Variants in HAUS7 observed in about 807,000 individuals in gnomAD.
HAUS7 encodes the protein HAUS augmin-like complex subunit 7.
HAUS7 carries 3 observed loss-of-function variants against 28.4 expected under a neutral mutation model. The observed-to-expected ratio is 0.11, with a 90% CI of 0.05 to 0.27. The LOEUF is 0.27. Among genes scored for constraint, HAUS7 ranks in the 10% least tolerant of loss-of-function variants. The pLI is 1.00. For synonymous variants in HAUS7, 165 were observed against 132.1 expected, an observed-to-expected ratio of 1.25 and a Z score of -1.71; for missense variants, 284 against 297.3, an observed-to-expected ratio of 0.96 and a Z score of 0.33.
Position 153,447,905 on chromosome X carries a change from G to A in HAUS7, c.1050C>T (p.Thr350=), listed in dbSNP as rs1316036920. 5.4e-5 allele frequency: 65 copies of A among 1,196,977 alleles called. No individual in the cohort carries two copies. In the Admixed American group the frequency reaches 1.4e-3, roughly 25 times the overall value. ...GGSSSVMSLA[T]KMNELMEK ...ATTTCTCCATTAGTTCATTCATCTT[G>A]GTAGCTGCAGAGGAAAGAAAAGAAA... The change falls in exon 10 of 10, where the codon ACC becomes ACT. Residue 350 remains threonine (T), a synonymous_variant. Coordinates refer to ENST00000370211, the MANE Select transcript of HAUS7 (RefSeq NM_001385482.1).
chrX:153,489,335 G>T (rs2089657919), intron 1 of HAUS7, among the ~76,000 whole-genome samples: 1 of 112,247 alleles, frequency 8.9e-6, no homozygotes, highest in South Asian at 3.7e-4. Context: ...CCCTCCTTCA[G>T]CACGGGCCAC....
At chrX:153,450,273 G>C (rs1423137189) in intron 9 of HAUS7, among the ~76,000 whole-genome samples, 1 of 112,800 alleles carries the variant, frequency 8.9e-6, no homozygotes, top group Non-Finnish European at 1.9e-5. Flanking sequence ...GACGAGCTGG[G>C]AGCCGCTCAG....
intron 1 of HAUS7, chrX:153,487,205 G>T (rs1050342655): frequency 1.1e-5 from 2 of 189,915 alleles, no homozygotes; most frequent in Non-Finnish European, 1.9e-5. Flanking sequence ...GCCTCACCAG[G>T]GTCCTGAAGT....
At chrX:153,493,123 A>G (rs782077156) in intron 1 of HAUS7, among the ~76,000 whole-genome samples, 69 of 112,424 alleles carry the variant, frequency 6.1e-4, no homozygotes, top group Admixed American at 2.3e-3. Flanking sequence ...ACCATCACTC[A>G]GTCGATTGTA....
At chrX:153,483,940 G>A (rs1368420232) in intron 1 of HAUS7, among the ~76,000 whole-genome samples, 1 of 112,263 alleles carries the variant, frequency 8.9e-6, no homozygotes, top group Admixed American at 9.3e-5. Context: ...GTGGGGAAGA[G>A]AAGTGCATGC....
In HAUS7 at chrX:153,455,730, C is replaced by T. The variant is rs138042855; in HGVS notation, c.742G>A (p.Ala248Thr). The change falls in exon 8 of 10, where the codon GCA becomes ACA. Residue 248 changes from alanine to threonine, a missense_variant. By Grantham distance (58) the Ala-to-Thr change is moderately conservative. Coordinates refer to ENST00000370211, the MANE Select transcript of HAUS7 (RefSeq NM_001385482.1). ...AQHEQGAAAGAADISTLDQKL... is the reference protein window; with the variant it reads ...AQHEQGAAAGTADISTLDQKL... ...TGGTCTAGGGTGCTGATGTCGGCTGCGCCCGCAGCAGCCCCTTGCTCATGC... is the reference window on the plus strand; with the variant it reads ...TGGTCTAGGGTGCTGATGTCGGCTGTGCCCGCAGCAGCCCCTTGCTCATGC... 1,187 of 1,199,185 alleles carry T rather than the reference C, an allele frequency of 9.9e-4. 1 individual carries two copies. Among genetic ancestry groups the T allele is most frequent in the Non-Finnish European group, 1.2e-3 (1,086 of 885,689 alleles).
intron 1 of HAUS7, among the ~76,000 whole-genome samples, chrX:153,490,394 G>A (rs1376546420): frequency 4.4e-5 from 5 of 112,858 alleles, no homozygotes; most frequent in African/African-American, 1.6e-4. Context: ...GCTTTCACCA[G>A]CCACACCTCG....
intron 4 of HAUS7, among the ~76,000 whole-genome samples, chrX:153,459,241 T>C (rs190569532): frequency 8.9e-6 from 1 of 112,121 alleles, no homozygotes; most frequent in East Asian, 2.8e-4. Flanking sequence ...AACTGGGTTT[T>C]CTGTCTTTCT....
At chrX:153,459,298 A>G (rs2089356757) in intron 4 of HAUS7, among the ~76,000 whole-genome samples, 1 of 112,214 alleles carries the variant, frequency 8.9e-6, no homozygotes, top group Middle Eastern at 4.3e-3. Flanking sequence ...CAAGTCCCTC[A>G]TCAGTCATGT....
chrX:153,477,134 C>T (rs2089567362), intron 1 of HAUS7, among the ~76,000 whole-genome samples: 2 of 113,321 alleles, frequency 1.8e-5, no homozygotes, highest in African/African-American at 3.2e-5. Flanking sequence ...GAGAGCACCC[C>T]AGGCCTCACC....
chrX:153,448,898 A>G (rs1210482534), intron 9 of HAUS7, among the ~76,000 whole-genome samples: 1 of 111,374 alleles, frequency 9.0e-6, no homozygotes, highest in Admixed American at 9.3e-5. Flanking sequence ...GGGGCAGCAC[A>G]TGGCACACAG....
chrX:153,461,779 C>A (rs1208333480), intron 4 of HAUS7: 1 of 261,939 alleles, frequency 3.8e-6, no homozygotes, highest in Non-Finnish European at 6.7e-6. Context: ...CTCTCCCGCG[C>A]TGCTGCTGGA....
chrX:153,473,173 G>A (rs965643896), upstream of HAUS7, among the ~76,000 whole-genome samples: 1 of 112,451 alleles, frequency 8.9e-6, no homozygotes, highest in Non-Finnish European at 1.9e-5. Context: ...CAGAGCATCC[G>A]GGCCCTGCTC....
chrX:153,470,808 G>A (rs2089514794), upstream of HAUS7: 2 of 439,321 alleles, frequency 4.6e-6, no homozygotes, highest in Non-Finnish European at 8.2e-6. Flanking sequence ...CGGACACAGG[G>A]AAGGGGGCGG....
At chrX:153,449,319 G>A (rs1293077471) in intron 9 of HAUS7, among the ~76,000 whole-genome samples, 2 of 112,150 alleles carry the variant, frequency 1.8e-5, no homozygotes, top group Non-Finnish European at 3.8e-5. Context: ...GGTGTGCCTC[G>A]GGGTGACACC....
chrX:153,466,816 C>T (rs5945399), intron 2 of HAUS7, among the ~76,000 whole-genome samples: 39,771 of 111,374 alleles, frequency 0.36, 5,417 homozygotes, highest in East Asian at 0.63. Flanking sequence ...CCTAAACTTT[C>T]TGATCGCCGA....
Position 153,455,595 on chromosome X carries a change from G to A in HAUS7, c.877C>T (p.Pro293Ser), listed in dbSNP as rs1239745311. 8.3e-7 allele frequency: 1 copy of A among 1,210,065 alleles called. No individual in the cohort carries two copies. The highest frequency in any genetic ancestry group is 1.7e-5 in the African/African-American group (1 of 57,909). ...CCQRPGPDLH[P>S]CGPIIQATHQ... ...GTGGCCTGGATGATGGGGCCGCACG[G>A]GTGGAGGTCAGGGCCTGGGCGCTGG... The change falls in exon 8 of 10, where the codon CCG becomes TCG. Residue 293 changes from proline (P) to serine (S), a missense_variant. Physicochemically the swap from Pro to Ser is moderately conservative, Grantham distance 74. Transcript: ENST00000370211.
At chrX:153,476,846 T>C (rs1230672350) in intron 1 of HAUS7, among the ~76,000 whole-genome samples, 4 of 98,795 alleles carry the variant, frequency 4.0e-5, no homozygotes, top group African/African-American at 1.5e-4. Context: ...ACTGTTGGCT[T>C]GGGGCCTGCC....
intron 1 of HAUS7, chrX:153,481,982 A>G: frequency 1.6e-6 from 1 of 611,768 alleles, no homozygotes; most frequent in Non-Finnish European, 2.0e-6. Flanking sequence ...TGGGGCTGGC[A>G]GGTCCCAGGT....
Sources: gnomAD v4.1 joint callset for allele counts (sites outside exome capture counted in the v4.1 genomes callset) on GRCh38, gnomAD v4.1.1 for gene constraint, MANE v1.5 for transcripts, NCBI Gene and HGNC (gene_info 2026-07-23, HGNC 2026-07-21) for gene names.